NGF: variants seen among roughly 807,000 people sequenced by gnomAD.
NGF encodes nerve growth factor.
NGF carries 4 observed loss-of-function variants against 12.8 expected under a neutral mutation model. That is an observed-to-expected ratio of 0.31 (90% CI 0.15 to 0.72). The LOEUF is 0.72. NGF is among the 30% of genes least tolerant of loss of function. The pLI is 0.69. For missense variants in NGF, 283 were observed against 330.8 expected, an observed-to-expected ratio of 0.86 and a Z score of 1.12; for synonymous variants, 140 against 130.0, an observed-to-expected ratio of 1.08 and a Z score of -0.52.
chr1:115,305,923 G>C (rs903741965), intron 1 of NGF, among the ~76,000 whole-genome samples: 2 of 152,138 alleles, frequency 1.3e-5, no homozygotes, highest in Non-Finnish European at 2.9e-5. Context: ...CTGTTGATTG[G>C]TTTTTTGGGT....
At chr1:115,332,575 G>T (rs981943487) in intron 1 of NGF, among the ~76,000 whole-genome samples, 2 of 152,180 alleles carry the variant, frequency 1.3e-5, no homozygotes, top group African/African-American at 4.8e-5. Context: ...AAGGGAGAAC[G>T]TGAGGGGAGG....
chr1:115,300,597 G>T (rs1654006014), intron 1 of NGF, among the ~76,000 whole-genome samples: 1 of 152,238 alleles, frequency 6.6e-6, no homozygotes, highest in South Asian at 2.1e-4. Context: ...TGGAGTGACA[G>T]CTGCCATCGC....
intron 1 of NGF, among the ~76,000 whole-genome samples, chr1:115,316,116 C>T (rs897307221): frequency 4.6e-5 from 7 of 152,168 alleles, no homozygotes; most frequent in African/African-American, 9.7e-5. Flanking sequence ...GACCATCTGT[C>T]GGAGTGAAAA....
intron 1 of NGF, among the ~76,000 whole-genome samples, chr1:115,298,826 A>G (rs1653951217): frequency 6.6e-6 from 1 of 150,864 alleles, no homozygotes; most frequent in Admixed American, 6.6e-5. Flanking sequence ...CCTAGTTTCC[A>G]CCCAGGAGAG....
intron 1 of NGF, among the ~76,000 whole-genome samples, chr1:115,321,576 A>ATGTGTGTGTG (rs59590858): frequency 3.8e-5 from 5 of 133,188 alleles, no homozygotes; most frequent in East Asian, 2.3e-4. Context: ...TGTGTATGGG[A>ATGTGTGTGTG]TGTGTGTGTG....
At chr1:115,286,885 T>G in intron 2 of NGF, 78 bp from the exon 3 acceptor site, 1 of 1,555,646 alleles carries the variant, frequency 6.4e-7, no homozygotes, top group Non-Finnish European at 8.8e-7. Flanking sequence ...TCCCTCAGAG[T>G]TGACCTCCCA....
chr1:115,329,432 T>A (rs948568668), intron 1 of NGF, among the ~76,000 whole-genome samples: 2 of 152,198 alleles, frequency 1.3e-5, no homozygotes, highest in Admixed American at 1.3e-4. Flanking sequence ...ACCCCAAGCT[T>A]GCCTGGCTTC....
chr1:115,337,267 G>GTTTGTTTTTTTGTTTTTTTTT, intron 1 of NGF, among the ~76,000 whole-genome samples: 1 of 81,030 alleles, frequency 1.2e-5, no homozygotes, highest in Non-Finnish European at 2.3e-5. Flanking sequence ...TTTTGTTTTT[G>GTTTGTTTTTTTGTTTTTTTTT]TTTTTTTTTT....
Position 115,338,054 on chromosome 1 carries a change from A to C in NGF, c.-137+150T>G, listed in dbSNP as rs3811015. On this transcript the variant is annotated intron_variant, in intron 1 of 2. Coordinates refer to ENST00000369512, the MANE Select transcript of NGF (RefSeq NM_002506.3). ...CCCACACCCACTCGGGACATTTCTCAGGGCTGCTCTTCGGCCTGCGGGAGC... is the reference window on the plus strand; with the variant it reads ...CCCACACCCACTCGGGACATTTCTCCGGGCTGCTCTTCGGCCTGCGGGAGC... 0.17 allele frequency: 25,832 copies of C among 152,212 alleles called. 2,636 individuals carry two copies. The highest frequency in any genetic ancestry group is 0.28 in the African/African-American group (11,427 of 41,450). 9.4% of individuals were successfully genotyped at this position (152,212 alleles called of 1,614,324 possible).
At chr1:115,308,390 C>T (rs1327082238) in intron 1 of NGF, among the ~76,000 whole-genome samples, 1 of 152,212 alleles carries the variant, frequency 6.6e-6, no homozygotes, top group East Asian at 1.9e-4. Context: ...TGAAAAACCA[C>T]ACCATAACAA....
In NGF at chr1:115,332,133, C is replaced by T. The variant is rs554260685; in HGVS notation, c.-137+6071G>A. Among the ~76,000 whole-genome samples the T allele has an allele frequency of 4.6e-5, 7 of 152,286 alleles. No homozygotes were observed. In the East Asian group the frequency reaches 1.2e-3, roughly 25 times the overall value. On this transcript the variant is annotated intron_variant, in intron 1 of 2. Transcript: ENST00000369512. ...TCCTAAAGACACAGAGGAGTTGTTACGTGGAGTAAGGAAGCAAAACATTCT... is the reference window on the plus strand; with the variant it reads ...TCCTAAAGACACAGAGGAGTTGTTATGTGGAGTAAGGAAGCAAAACATTCT...
chr1:115,326,922 C>T (rs1413591169), intron 1 of NGF, among the ~76,000 whole-genome samples: 1 of 152,198 alleles, frequency 6.6e-6, no homozygotes, highest in Non-Finnish European at 1.5e-5. Context: ...GCATTATTCT[C>T]ATTTTCCAGA....
rs67332447 is a variant in NGF at position 115,290,386 on chromosome 1, C to CTT, written c.-13+3239_-13+3240dup. On this transcript the variant is annotated intron_variant, in intron 2 of 2. Coordinates refer to ENST00000369512, the MANE Select transcript of NGF (RefSeq NM_002506.3). ...TCTGAGACAAACTACCTTCTCTCAT[C>CTT]TTTTTTTTTTTTTTTTTTTTTTTTT... Among the ~76,000 whole-genome samples the CTT allele has an allele frequency of 5.0e-4, 32 of 64,412 alleles. 2 individuals carry two copies. The highest frequency in any genetic ancestry group is 2.0e-3 in the Admixed American group (8 of 4,060). The allele number at this position is 64,412 out of a possible 152,430, so 42.3% of individuals were successfully genotyped here.
At chr1:115,304,302 A>ACAG (rs1207658720) in intron 1 of NGF, among the ~76,000 whole-genome samples, 2 of 145,518 alleles carry the variant, frequency 1.4e-5, no homozygotes, top group Non-Finnish European at 3.0e-5. Flanking sequence ...AGCTGGGATT[A>ACAG]CAGGAGCGCA....
chr1:115,334,979 C>G (rs1655069870), intron 1 of NGF, among the ~76,000 whole-genome samples: 1 of 152,138 alleles, frequency 6.6e-6, no homozygotes, highest in Non-Finnish European at 1.5e-5. Flanking sequence ...GAAGTTTACC[C>G]AAAATATAGG....
At chr1:115,302,825 C>G (rs2101034393) in intron 1 of NGF, among the ~76,000 whole-genome samples, 1 of 152,342 alleles carries the variant, frequency 6.6e-6, no homozygotes, top group Admixed American at 6.5e-5. Context: ...CGTACCTATC[C>G]TGTGTGGTTG....
intron 1 of NGF, among the ~76,000 whole-genome samples, chr1:115,323,856 C>G (rs941010986): frequency 1.9e-4 from 29 of 152,316 alleles, no homozygotes; most frequent in African/African-American, 6.7e-4. Flanking sequence ...TGAGGTGGCC[C>G]TGAGGGCACA....
At chr1:115,329,404 TCA>T (rs769171737) in intron 1 of NGF, among the ~76,000 whole-genome samples, 6 of 152,154 alleles carry the variant, frequency 3.9e-5, no homozygotes, top group Non-Finnish European at 5.9e-5. Context: ...CAACTGCAAA[TCA>T]CAGAGTTGGG....
intron 2 of NGF, among the ~76,000 whole-genome samples, chr1:115,290,880 T>A (rs893433519): frequency 1.3e-5 from 2 of 152,244 alleles, no homozygotes; most frequent in Non-Finnish European, 2.9e-5. Context: ...ACAAGTCTCC[T>A]GCCTCCAGTG....
Sources: allele counts gnomAD v4.1 joint callset (sites outside exome capture counted in the v4.1 genomes callset), GRCh38; gene constraint gnomAD v4.1.1; transcripts MANE v1.5; gene names NCBI Gene and HGNC (gene_info 2026-07-23, HGNC 2026-07-21).